The following KCNIP4 variants were observed in gnomAD, a reference collection of about 807,000 sequenced individuals.
KCNIP4 encodes Kv channel-interacting protein 4.
In KCNIP4, 12 loss-of-function variants were observed where a neutral mutation model predicts 34.0. The observed-to-expected ratio is 0.35, with a 90% CI of 0.23 to 0.57. KCNIP4 has a LOEUF of 0.57. Among genes scored for constraint, KCNIP4 ranks in the 20% least tolerant of loss-of-function variants. KCNIP4 has a pLI of 0.83. For missense variants in KCNIP4, 238 were observed against 311.7 expected (o/e 0.76, Z 1.78); for synonymous variants, 124 against 102.2 (o/e 1.21, Z -1.29).
chr4:20,877,304 C>T (rs1015770596), intron 2 of KCNIP4, among the ~76,000 whole-genome samples: 15 of 152,220 alleles, frequency 9.9e-5, no homozygotes, highest in Non-Finnish European at 1.9e-4. Context: ...TTCTTGCTAA[C>T]ACTGAATGTT....
intron 1 of KCNIP4, among the ~76,000 whole-genome samples, chr4:21,925,263 G>A (rs957661914): frequency 7.3e-6 from 1 of 137,616 alleles, no homozygotes; most frequent in Non-Finnish European, 1.5e-5. Flanking sequence ...TCCCTGGTGT[G>A]TGATGTTCCC....
chr4:21,046,367 G>A (rs1248761901), intron 1 of KCNIP4, among the ~76,000 whole-genome samples: 1 of 152,154 alleles, frequency 6.6e-6, no homozygotes, highest in African/African-American at 2.4e-5. Flanking sequence ...TTGCTGAAAT[G>A]TATTATGCAA....
intron 3 of KCNIP4, among the ~76,000 whole-genome samples, chr4:20,773,803 C>A (rs533981062): frequency 3.3e-5 from 5 of 152,288 alleles, no homozygotes; most frequent in African/African-American, 1.2e-4. Flanking sequence ...AGACTCTGAT[C>A]TCCATTTTGG....
chr4:21,313,112 G>T (rs183857163), intron 1 of KCNIP4, among the ~76,000 whole-genome samples: 97 of 152,262 alleles, frequency 6.4e-4, no homozygotes, highest in Non-Finnish European at 1.2e-3. Context: ...AAGACACAAA[G>T]TTGTCTGATG....
chr4:21,221,654 T>C (rs1175622044), intron 1 of KCNIP4, among the ~76,000 whole-genome samples: 3 of 152,146 alleles, frequency 2.0e-5, no homozygotes, highest in Non-Finnish European at 4.4e-5. Context: ...CAAGATGATA[T>C]TCGGGTGGGG....
At position 21,925,621 on chromosome 4, in the gene KCNIP4, T is replaced by C. The variant is rs556698422; in HGVS notation, c.61+22950A>G. On this transcript the variant is annotated intron_variant, in intron 1 of 8. Coordinates refer to ENST00000382152, the MANE Select transcript of KCNIP4 (RefSeq NM_025221.6). ...TGAAATTCCTTTTCCCCCCACCCTC[T>C]ATTGTCTGCCTAACTCTCACTTCTT... 2.1e-4 allele frequency among the ~76,000 whole-genome samples: 32 copies of C among 152,294 alleles called. No individual in the cohort carries two copies. In the South Asian group the frequency reaches 5.8e-3, roughly 28 times the overall value.
At chr4:21,667,922 G>A (rs989721129) in intron 1 of KCNIP4, among the ~76,000 whole-genome samples, 2 of 152,152 alleles carry the variant, frequency 1.3e-5, no homozygotes, top group Admixed American at 1.3e-4. Flanking sequence ...TAGTTTGTGT[G>A]TACCTTGGTT....
intron 3 of KCNIP4, among the ~76,000 whole-genome samples, chr4:20,823,155 A>C (rs572516131): frequency 2.0e-5 from 3 of 152,296 alleles, no homozygotes; most frequent in East Asian, 1.9e-4. Context: ...TGGTTTACCC[A>C]GTCTAAAGTA....
chr4:20,951,106 C>T (rs1321526659), intron 1 of KCNIP4, among the ~76,000 whole-genome samples: 1 of 152,126 alleles, frequency 6.6e-6, no homozygotes, highest in Non-Finnish European at 1.5e-5. Flanking sequence ...AGTGCTCTCT[C>T]TCTCTCTGTC....
intron 1 of KCNIP4, among the ~76,000 whole-genome samples, chr4:21,600,407 G>T (rs114956829): frequency 0.026 from 3,980 of 152,068 alleles, 177 homozygotes; most frequent in African/African-American, 0.09. Flanking sequence ...GGGGGTACAC[G>T]TGCTAGTTTG....
chr4:21,199,076 G>A (rs1756274296), intron 1 of KCNIP4, among the ~76,000 whole-genome samples: 2 of 152,114 alleles, frequency 1.3e-5, no homozygotes, highest in African/African-American at 4.8e-5. Flanking sequence ...TCGTTCCTTT[G>A]GGTATATACC....
chr4:21,368,886 C>A (rs1720062328), intron 1 of KCNIP4, among the ~76,000 whole-genome samples: 1 of 147,260 alleles, frequency 6.8e-6, no homozygotes, highest in African/African-American at 2.7e-5. Flanking sequence ...AATAACAGGG[C>A]AAAATTTGGA....
chr4:21,048,218 T>G (rs1393499759), intron 1 of KCNIP4, among the ~76,000 whole-genome samples: 2 of 152,198 alleles, frequency 1.3e-5, no homozygotes, highest in South Asian at 2.1e-4. Context: ...ATAAATTTTT[T>G]TGTGTGTGCT....
chr4:21,180,705 ATATTTGTGTATATATATAGTATAGTG>A (rs1263149123), intron 1 of KCNIP4, among the ~76,000 whole-genome samples: 3 of 150,398 alleles, frequency 2.0e-5, no homozygotes, highest in Non-Finnish European at 4.4e-5. Context: ...TATATTTAGT[ATATTTGTGTATATATATAGTATAGTG>A]TATTTGTGTA....
At chr4:21,823,518 A>C (rs1028784049) in intron 1 of KCNIP4, among the ~76,000 whole-genome samples, 3 of 130,272 alleles carry the variant, frequency 2.3e-5, no homozygotes, top group Admixed American at 9.5e-5. Flanking sequence ...TAAAAAAAAA[A>C]ACAAAAAAAC....
At chr4:21,783,437 G>A (rs1238628281) in intron 1 of KCNIP4, among the ~76,000 whole-genome samples, 1 of 152,060 alleles carries the variant, frequency 6.6e-6, no homozygotes, top group South Asian at 2.1e-4. Flanking sequence ...ATGTGGATTG[G>A]GGCAGGCAGG....
intron 1 of KCNIP4, among the ~76,000 whole-genome samples, chr4:21,154,888 AG>A (rs1300101076): frequency 6.6e-6 from 1 of 152,192 alleles, no homozygotes; most frequent in Non-Finnish European, 1.5e-5. Flanking sequence ...TGAACTTGTG[AG>A]TAAAAGCTAT....
intron 1 of KCNIP4, among the ~76,000 whole-genome samples, chr4:21,884,721 C>A (rs1560786561): frequency 6.6e-6 from 1 of 152,032 alleles, no homozygotes; most frequent in Non-Finnish European, 1.5e-5. Context: ...TAGGGCCAAC[C>A]AGAAGAAAAG....
At chr4:20,808,352 A>G (rs1715330730) in intron 3 of KCNIP4, among the ~76,000 whole-genome samples, 1 of 152,238 alleles carries the variant, frequency 6.6e-6, no homozygotes, top group African/African-American at 2.4e-5. Flanking sequence ...GACAGAGGAC[A>G]CATCAGACAT....
Sources: gnomAD v4.1 joint callset for allele counts (sites outside exome capture counted in the v4.1 genomes callset) on GRCh38, gnomAD v4.1.1 for gene constraint, MANE v1.5 for transcripts, NCBI Gene and HGNC (gene_info 2026-07-23, HGNC 2026-07-21) for gene names.